The following ROR1 variants were observed in gnomAD, a reference collection of about 807,000 sequenced individuals.
ROR1 encodes the protein inactive tyrosine-protein kinase transmembrane receptor ROR1.
In ROR1, 19 loss-of-function variants were observed where a neutral mutation model predicts 78.8. That is an observed-to-expected ratio of 0.24 (90% confidence interval 0.17 to 0.35). The LOEUF is 0.35. Ranked by LOEUF, ROR1 falls within the 10% of genes least tolerant of loss-of-function variation. The pLI is 1.00. For synonymous variants in ROR1, 386 were observed against 433.6 expected (o/e 0.89, Z 1.36); for missense variants, 917 against 1,177.8 (o/e 0.78, Z 3.24).
At chr1:63,934,948 T>C (rs186140195) in intron 1 of ROR1, among the ~76,000 whole-genome samples, 51 of 152,242 alleles carry the variant, frequency 3.3e-4, no homozygotes, top group African/African-American at 1.2e-3. Flanking sequence ...CAATTTATCA[T>C]GCTTCTTTTA....
intron 1 of ROR1, among the ~76,000 whole-genome samples, chr1:63,867,378 T>C (rs1645222740): frequency 6.6e-6 from 1 of 152,160 alleles, no homozygotes; most frequent in South Asian, 2.1e-4. Context: ...GTGTTTCCTG[T>C]CTACGAGATG....
intron 1 of ROR1, among the ~76,000 whole-genome samples, chr1:63,982,930 C>G (rs564494998): frequency 8.5e-5 from 13 of 152,176 alleles, no homozygotes; most frequent in African/African-American, 2.9e-4. Context: ...GTAGTAATAG[C>G]ACCGACCTTG....
chr1:64,081,787 G>A (rs1406948603), intron 4 of ROR1, among the ~76,000 whole-genome samples: 3 of 107,622 alleles, frequency 2.8e-5, no homozygotes, highest in Non-Finnish European at 5.6e-5. Flanking sequence ...AAAAAAAGCG[G>A]CAAAATATAA....
At chr1:64,123,186 C>T (rs1176657785) in intron 4 of ROR1, among the ~76,000 whole-genome samples, 2 of 152,096 alleles carry the variant, frequency 1.3e-5, no homozygotes, top group Non-Finnish European at 2.9e-5. Context: ...AAATAAAACA[C>T]ATTATAGAAC....
At chr1:64,098,896 G>A (rs1264781016) in intron 4 of ROR1, among the ~76,000 whole-genome samples, 1 of 152,170 alleles carries the variant, frequency 6.6e-6, no homozygotes, top group Non-Finnish European at 1.5e-5. Context: ...GGGGCTATGG[G>A]TGAAATAAGT....
At chr1:63,962,631 G>C (rs1297725509) in intron 1 of ROR1, among the ~76,000 whole-genome samples, 1 of 152,212 alleles carries the variant, frequency 6.6e-6, no homozygotes, top group East Asian at 1.9e-4. Context: ...AGATGAGGGA[G>C]CGGGGAGAGT....
chr1:64,059,772 C>T (rs1032933062), intron 4 of ROR1, among the ~76,000 whole-genome samples: 3 of 150,170 alleles, frequency 2.0e-5, no homozygotes, highest in African/African-American at 7.4e-5. Flanking sequence ...AATGATTGGA[C>T]AGAAATTTCC....
At chr1:64,166,769 C>T (rs1650099400) in intron 8 of ROR1, among the ~76,000 whole-genome samples, 1 of 152,176 alleles carries the variant, frequency 6.6e-6, no homozygotes, top group African/African-American at 2.4e-5. Flanking sequence ...AGCATACATT[C>T]TCCTGCCCCA....
chr1:64,175,263 T>TTATTTAAAAATAAATTTTATTTAA (rs1307616515), intron 8 of ROR1, among the ~76,000 whole-genome samples: 33 of 152,218 alleles, frequency 2.2e-4, no homozygotes, highest in Admixed American at 2.0e-3. Context: ...CCTTCTCTCT[T>TTATTTAAAAATAAATTTTATTTAA]ACACAAAAGC....
At chr1:63,852,115 T>C (rs1645117934) in intron 1 of ROR1, among the ~76,000 whole-genome samples, 1 of 152,244 alleles carries the variant, frequency 6.6e-6, no homozygotes, top group Non-Finnish European at 1.5e-5. Context: ...AAGCATTAAA[T>C]ATACATATAT....
chr1:63,881,905 T>C (rs972803872), intron 1 of ROR1, among the ~76,000 whole-genome samples: 4 of 152,168 alleles, frequency 2.6e-5, no homozygotes, highest in African/African-American at 7.2e-5. Flanking sequence ...ATTAGAACAA[T>C]CTTCCTTGAG....
chr1:64,156,747 A>G (rs1649785359), intron 7 of ROR1, among the ~76,000 whole-genome samples: 1 of 150,974 alleles, frequency 6.6e-6, no homozygotes, highest in African/African-American at 2.4e-5. Flanking sequence ...CAAAAGCATC[A>G]CATTTGGCAA....
intron 4 of ROR1, chr1:64,095,229 A>G (rs186867989): frequency 2.5e-4 from 38 of 152,324 alleles, no homozygotes; most frequent in Middle Eastern, 3.4e-3. Context: ...TAAAATAGGA[A>G]CGTTCAAAAT....
intron 1 of ROR1, among the ~76,000 whole-genome samples, chr1:63,993,413 T>C (rs527781246): frequency 6.6e-6 from 1 of 152,320 alleles, no homozygotes; most frequent in South Asian, 2.1e-4. Context: ...TGCTTGCCCC[T>C]GACTTGAAAC....
At chr1:63,780,543 A>C (rs76922503) in intron 1 of ROR1, among the ~76,000 whole-genome samples, 30 of 152,338 alleles carry the variant, frequency 2.0e-4, no homozygotes, top group Admixed American at 1.3e-4. Flanking sequence ...ATCATTATCA[A>C]GGGCTTACTG....
intron 1 of ROR1, among the ~76,000 whole-genome samples, chr1:63,815,344 A>G (rs549871375): frequency 1.1e-4 from 17 of 152,026 alleles, no homozygotes; most frequent in African/African-American, 4.1e-4. Context: ...TTGGATAAGC[A>G]ATTCTGTTGT....
chr1:64,046,285 C>G (rs1389783975), intron 2 of ROR1, among the ~76,000 whole-genome samples: 1 of 151,786 alleles, frequency 6.6e-6, no homozygotes, highest in Admixed American at 6.6e-5. Context: ...CTGGGATGCC[C>G]AGGTGTTCTC....
intron 8 of ROR1, among the ~76,000 whole-genome samples, chr1:64,164,981 C>A (rs2100735081): frequency 6.6e-6 from 1 of 152,286 alleles, no homozygotes; most frequent in African/African-American, 2.4e-5. Flanking sequence ...GTATGTACCA[C>A]ATTTTCTTTA....
chr1:63,901,966 G>T (rs549685443), intron 1 of ROR1, among the ~76,000 whole-genome samples: 7 of 152,260 alleles, frequency 4.6e-5, no homozygotes, highest in Admixed American at 1.3e-4. Flanking sequence ...TCTAAATACT[G>T]CAATACAGTA....
Sources: gnomAD v4.1 joint callset for allele counts (sites outside exome capture counted in the v4.1 genomes callset) on GRCh38, gnomAD v4.1.1 for gene constraint, MANE v1.5 for transcripts, NCBI Gene and HGNC (gene_info 2026-07-23, HGNC 2026-07-21) for gene names.